Variants in COL4A3 observed in about 807,000 individuals in gnomAD.
The protein encoded by COL4A3 is collagen alpha-3(IV) chain.
Under a neutral mutation model 217.4 loss-of-function variants are expected in COL4A3, and 135 were observed. That is an observed-to-expected ratio of 0.62 (90% confidence interval 0.54 to 0.72). The LOEUF is 0.72. COL4A3 is among the 30% of genes least tolerant of loss of function. The pLI, the probability that COL4A3 is intolerant of heterozygous loss-of-function variation, is 0.00. For missense variants in COL4A3, 1,868 were observed against 2,119.9 expected (o/e 0.88, Z 2.33); for synonymous variants, 690 against 736.3 (o/e 0.94, Z 1.02).
chr2:227,265,781 T>C (rs4675162), intron 21 of COL4A3: 84,933 of 153,148 alleles, frequency 0.55, 24,903 homozygotes, highest in South Asian at 0.67. Context: ...TCCATTCTCA[T>C]GCTGCTAATA....
intron 41 of COL4A3, among the ~76,000 whole-genome samples, chr2:227,297,173 T>G (rs1480772922): frequency 6.6e-6 from 1 of 152,214 alleles, no homozygotes; most frequent in Non-Finnish European, 1.5e-5. Context: ...TTGTCTGGAT[T>G]TAGCTGGATA....
chr2:227,294,705 A>T (rs2072945916), intron 39 of COL4A3, 135 bp downstream of exon 39: 2 of 743,188 alleles, frequency 2.7e-6, no homozygotes, highest in Non-Finnish European at 4.6e-6. Flanking sequence ...AAATGCAAAA[A>T]AAATGGGGTT....
chr2:227,231,526 CT>C (rs374498145), intron 1 of COL4A3, among the ~76,000 whole-genome samples: 103 of 149,112 alleles, frequency 6.9e-4, no homozygotes, highest in Middle Eastern at 7.0e-3. Context: ...ATCCAATTAC[CT>C]TTTTTTTTTC....
intron 41 of COL4A3, chr2:227,296,518 A>G (rs1308388633): frequency 1.0e-6 from 1 of 981,338 alleles, no homozygotes; most frequent in Non-Finnish European, 1.2e-6. Flanking sequence ...GTTCATTGAG[A>G]CTTGGAAGGT....
rs372750433 is a variant in COL4A3, at chr2:227,309,194, C to G, written c.4641-10C>G. On this transcript the variant is annotated splice_polypyrimidine_tract_variant and intron_variant, in intron 49 of 51. Coordinates refer to ENST00000396578, the MANE Select transcript of COL4A3 (RefSeq NM_000091.5). ...GGCAATGCCGCCATAGTCTTTGTTT[C>G]ATGTTACAGATGCACTGTTTGTGAA... 3 of 1,613,782 alleles carry G rather than the reference C, an allele frequency of 1.9e-6. No individual in the cohort carries two copies. Among genetic ancestry groups the G allele is most frequent in the Admixed American group, 3.3e-5 (2 of 59,994 alleles).
chr2:227,242,517 G>A (rs568717196), intron 3 of COL4A3, among the ~76,000 whole-genome samples: 1 of 152,254 alleles, frequency 6.6e-6, no homozygotes, highest in East Asian at 1.9e-4. Flanking sequence ...TCACTGAAGG[G>A]TGCAGCTGGA....
At chr2:227,296,816 T>A (rs1297385258) in intron 41 of COL4A3, among the ~76,000 whole-genome samples, 3 of 152,214 alleles carry the variant, frequency 2.0e-5, no homozygotes, top group Non-Finnish European at 2.9e-5. Flanking sequence ...CTTTACTATA[T>A]AATAACTCCC....
At chr2:227,231,332 T>C (rs529396640) in intron 1 of COL4A3, among the ~76,000 whole-genome samples, 1 of 152,244 alleles carries the variant, frequency 6.6e-6, no homozygotes, top group East Asian at 1.9e-4. Flanking sequence ...AGCACATGTC[T>C]GCTATACCAA....
chr2:227,275,768 G>C (rs934809966), intron 26 of COL4A3, among the ~76,000 whole-genome samples: 1 of 152,108 alleles, frequency 6.6e-6, no homozygotes, highest in Non-Finnish European at 1.5e-5. Flanking sequence ...TGTCAGCCTT[G>C]CCCATATCAA....
In COL4A3 at chr2:227,313,990, T is replaced by C. The variant is rs960200183; in HGVS notation, c.*2120T>C. On this transcript the variant is annotated 3_prime_UTR_variant, in exon 52 of 52. Transcript: ENST00000396578. ...ATGTTTTACCAAGCCCACCACATGA[T>C]TCTGATGTACTCTAAATACTGAGAA... is the stretch of plus-strand genomic sequence containing the variant. The C allele has an allele frequency of 1.3e-5, 2 of 152,522 alleles. No homozygotes were observed. Among genetic ancestry groups the C allele is most frequent in the Non-Finnish European group, 2.9e-5 (2 of 68,054 alleles). 9.4% of individuals were successfully genotyped at this position (152,522 alleles called of 1,614,324 possible).
intron 1 of COL4A3, among the ~76,000 whole-genome samples, chr2:227,182,432 T>C (rs149151311): frequency 1.3e-5 from 2 of 152,334 alleles, no homozygotes; most frequent in African/African-American, 4.8e-5. Context: ...AATGTCCTGT[T>C]TTTCTAGACC....
chr2:227,194,303 T>C (rs1223913417), intron 1 of COL4A3, among the ~76,000 whole-genome samples: 3 of 152,194 alleles, frequency 2.0e-5, no homozygotes, highest in Non-Finnish European at 2.9e-5. Flanking sequence ...ACAAGTTATT[T>C]CCACCACTGC....
At position 227,309,055 on chromosome 2, in the gene COL4A3, C is replaced by T. The variant is rs745660430; in HGVS notation, c.4619C>T (p.Ala1540Val). Residue 1540 changes from alanine to valine, a missense_variant, in exon 49 of 52, where the codon GCC becomes GTC. Physicochemically the swap from Ala to Val is moderately conservative, Grantham distance 64. Coordinates refer to ENST00000396578, the MANE Select transcript of COL4A3 (RefSeq NM_000091.5). ...PMNMAPITGRALEPYISRCTV... is the reference protein window; with the variant it reads ...PMNMAPITGRVLEPYISRCTV... ...AACATGGCTCCCATTACTGGCAGAGCCCTTGAGCCTTATATAAGCAGGTAA... is the reference window on the plus strand; with the variant it reads ...AACATGGCTCCCATTACTGGCAGAGTCCTTGAGCCTTATATAAGCAGGTAA... 6 of 1,614,072 alleles carry T rather than the reference C, an allele frequency of 3.7e-6. No homozygotes were observed. Among genetic ancestry groups the T allele is most frequent in the Non-Finnish European group, 5.1e-6 (6 of 1,180,034 alleles).
intron 23 of COL4A3, 93 bp downstream of exon 23, chr2:227,267,181 C>T (rs969359912): frequency 7.7e-6 from 7 of 906,500 alleles, no homozygotes; most frequent in Middle Eastern, 2.1e-4. Flanking sequence ...GATGTCACAA[C>T]GTGGTTTAGA....
intron 46 of COL4A3, chr2:227,304,417 T>C: frequency 2.4e-6 from 1 of 423,628 alleles, no homozygotes. Flanking sequence ...GGTAAAGGTA[T>C]GTCTATCTCC....
intron 1 of COL4A3, chr2:227,222,495 C>T (rs965054651): frequency 2.0e-5 from 3 of 152,082 alleles, no homozygotes; most frequent in African/African-American, 7.2e-5. Flanking sequence ...GTCCCCCCTC[C>T]TAGGAATGTA....
intron 16 of COL4A3, 101 bp downstream of exon 16, chr2:227,256,171 G>C: frequency 7.6e-7 from 1 of 1,315,602 alleles, no homozygotes; most frequent in Non-Finnish European, 1.1e-6. Context: ...CAAACAAAAA[G>C]CTTACAGCTT....
rs568766226 is a variant in COL4A3, at chr2:227,307,785, C to T, written c.4328C>T (p.Thr1443Met). 22 of 1,614,122 alleles carry T rather than the reference C, an allele frequency of 1.4e-5. No homozygotes were observed. Among genetic ancestry groups the T allele is most frequent in the South Asian group, 1.1e-4 (10 of 91,084 alleles). ...GDSGSPATWT[T>M]RGFVFTRHSQ... The stretch of plus-strand genomic sequence containing the variant: ...AGTGGATCACCTGCAACCTGGACAA[C>T]GAGAGGCTTTGTCTTCACCCGACAC... The change falls in exon 48 of 52, where the codon ACG becomes ATG. Residue 1443 changes from threonine (T) to methionine (M), a missense_variant. This residue lies in a region of COL4A3 where 1,503 missense variants were observed against 1,786.1 expected (regional missense o/e 0.84). Transcript: ENST00000396578.
chr2:227,270,726 A>T (rs368302903), intron 24 of COL4A3, 44 bp from the exon 25 acceptor site: 59 of 1,591,896 alleles, frequency 3.7e-5, no homozygotes, highest in Non-Finnish European at 5.1e-5. Flanking sequence ...CAGAAGAAGA[A>T]TTCTAACAAA....
Sources: gnomAD v4.1 joint callset for allele counts (sites outside exome capture counted in the v4.1 genomes callset) on GRCh38, gnomAD v4.1.1 for gene constraint, gnomAD v4.1.1 regional missense constraint, MANE v1.5 for transcripts, NCBI Gene and HGNC (gene_info 2026-07-23, HGNC 2026-07-21) for gene names.